MYO3A: variants seen among roughly 807,000 people sequenced by gnomAD.
The protein encoded by MYO3A is myosin-IIIa.
MYO3A carries 180 observed loss-of-function variants against 192.7 expected under a neutral mutation model. That is an observed-to-expected ratio of 0.93 (90% CI 0.83 to 1.06). MYO3A has a LOEUF of 1.06. Ranked by LOEUF, MYO3A falls within the 50% of genes least tolerant of loss-of-function variation. The pLI is 0.00. For missense variants in MYO3A, 1,896 were observed against 1,905.0 expected (o/e 1.00, Z 0.09); for synonymous variants, 628 against 645.3 (o/e 0.97, Z 0.41).
chr10:26,139,411 G>A (rs1403130885), intron 20 of MYO3A, among the ~76,000 whole-genome samples: 1 of 151,928 alleles, frequency 6.6e-6, no homozygotes, highest in African/African-American at 2.4e-5. Flanking sequence ...AGCTGATTTT[G>A]TATTTTTAGT....
At chr10:26,035,548 A>G (rs751485571) in intron 10 of MYO3A, among the ~76,000 whole-genome samples, 1 of 152,142 alleles carries the variant, frequency 6.6e-6, no homozygotes. Context: ...TTATCATACC[A>G]CTTTCCCCCC....
At chr10:26,208,015 AT>A (rs1462005176) in intron 34 of MYO3A, among the ~76,000 whole-genome samples, 2 of 151,674 alleles carry the variant, frequency 1.3e-5, no homozygotes, top group African/African-American at 2.4e-5. Context: ...ATTCCTAAGT[AT>A]TTTTTGTAGC....
At chr10:26,004,378 G>A (rs1408821639) in intron 6 of MYO3A, among the ~76,000 whole-genome samples, 1 of 151,474 alleles carries the variant, frequency 6.6e-6, no homozygotes, top group East Asian at 1.9e-4. Context: ...AGTGATGTTG[G>A]GTTGGAATTG....
chr10:26,052,147 G>A (rs566916992), intron 10 of MYO3A, among the ~76,000 whole-genome samples: 22 of 152,236 alleles, frequency 1.4e-4, no homozygotes, highest in African/African-American at 5.3e-4. Context: ...TAGAGATTTA[G>A]AATAAATTAA....
intron 10 of MYO3A, among the ~76,000 whole-genome samples, chr10:26,062,386 G>A (rs1834538671): frequency 6.6e-6 from 1 of 150,878 alleles, no homozygotes. Context: ...ATGCATGGTA[G>A]CGCGCCTGTA....
rs115673312 is a variant in MYO3A at position 25,935,482 on chromosome 10, A to G, written c.-104-262A>G. On this transcript the variant is annotated intron_variant, in intron 1 of 34. Transcript: ENST00000642920. ...TTTTCTTGGTGAATTAACTAATTGT[A>G]CAGGTGCACTTAAACCTTCTTAAGC... is the stretch of plus-strand genomic sequence containing the variant. 8.4e-3 allele frequency among the ~76,000 whole-genome samples: 1,283 copies of G among 152,330 alleles called. 15 individuals carry two copies. The highest frequency in any genetic ancestry group is 0.028 in the African/African-American group (1,162 of 41,574).
At chr10:26,013,348 A>G (rs2131023500) in intron 6 of MYO3A, among the ~76,000 whole-genome samples, 1 of 151,806 alleles carries the variant, frequency 6.6e-6, no homozygotes, top group African/African-American at 2.4e-5. Context: ...AAACCAAAGA[A>G]TGGGAGACAA....
chr10:25,967,826 A>T (rs1454019296), intron 4 of MYO3A, among the ~76,000 whole-genome samples: 1 of 152,258 alleles, frequency 6.6e-6, no homozygotes, highest in Non-Finnish European at 1.5e-5. Context: ...ATCAGGTTTA[A>T]CAGCACAATA....
At chr10:26,067,104 C>A in intron 11 of MYO3A, 30 bp downstream of exon 11, 1 of 1,423,616 alleles carries the variant, frequency 7.0e-7, no homozygotes, top group Non-Finnish European at 9.9e-7. Context: ...TAAACTTAGA[C>A]ATTCCAGATG....
chr10:26,078,722 T>C (rs765243575), intron 14 of MYO3A, among the ~76,000 whole-genome samples: 2 of 152,070 alleles, frequency 1.3e-5, no homozygotes, highest in Non-Finnish European at 2.9e-5. Flanking sequence ...TGTTGTTCAG[T>C]TCGAAGAATT....
At position 26,176,575 on chromosome 10, in the gene MYO3A, G is replaced by A. The variant is rs544750941; in HGVS notation, c.4294-126G>A. On this transcript the variant is annotated intron_variant, in intron 30 of 34. Transcript: ENST00000642920. Reference sequence around the variant, plus strand: ...ATCAGACCTTGGTGCAAGGGACAGGGTGGGCCCTGGAGAGGAACATGAGAG... The same window carrying A: ...ATCAGACCTTGGTGCAAGGGACAGGATGGGCCCTGGAGAGGAACATGAGAG... 6.9e-5 allele frequency: 56 copies of A among 810,960 alleles called. 1 individual carries two copies. The African/African-American group carries it at 8.8e-4, about 13-fold the overall frequency. The allele number at this position is 810,960 out of a possible 1,614,324, so 50.2% of individuals were successfully genotyped here. A position where few individuals can be genotyped will look rare whatever the true frequency, so the allele number is the denominator to read the frequency against.
chr10:26,016,780 G>A, intron 6 of MYO3A, 40 bp from the exon 7 acceptor site: 1 of 1,576,548 alleles, frequency 6.3e-7, no homozygotes, highest in Non-Finnish European at 8.7e-7. Context: ...CTTTATATGA[G>A]TAATTAATGC....
chr10:26,026,584 G>T, intron 10 of MYO3A, 52 bp downstream of exon 10: 2 of 1,601,818 alleles, frequency 1.2e-6, no homozygotes, highest in South Asian at 2.2e-5. Context: ...GAAAGATTTT[G>T]AACAGTTTAA....
chr10:26,163,396 G>A (rs1218608255), intron 26 of MYO3A, among the ~76,000 whole-genome samples: 13 of 152,148 alleles, frequency 8.5e-5, no homozygotes, highest in African/African-American at 2.2e-4. Flanking sequence ...AGCTGTGGAC[G>A]GTGGCTGGGG....
At chr10:26,125,905 T>C (rs1839191942) in intron 19 of MYO3A, among the ~76,000 whole-genome samples, 1 of 152,162 alleles carries the variant, frequency 6.6e-6, no homozygotes, top group African/African-American at 2.4e-5. Context: ...GTTTTTTTAA[T>C]TAGAAGTTGT....
intron 10 of MYO3A, among the ~76,000 whole-genome samples, chr10:26,027,865 CTG>C (rs1402328788): frequency 4.6e-5 from 7 of 152,128 alleles, no homozygotes; most frequent in African/African-American, 1.7e-4. Context: ...TCTCAAGTAA[CTG>C]TGTAATGAAC....
chr10:26,179,840 T>C (rs1281372911), intron 31 of MYO3A, among the ~76,000 whole-genome samples: 1 of 152,194 alleles, frequency 6.6e-6, no homozygotes, highest in East Asian at 1.9e-4. Context: ...AATTATTAAT[T>C]AATTAATTTT....
At chr10:26,028,907 T>C (rs1193250886) in intron 10 of MYO3A, among the ~76,000 whole-genome samples, 1 of 152,180 alleles carries the variant, frequency 6.6e-6, no homozygotes, top group Non-Finnish European at 1.5e-5. Context: ...ATCTTTTAAA[T>C]AGGGGCTGCT....
chr10:25,970,952 G>T (rs1348955924), intron 4 of MYO3A, among the ~76,000 whole-genome samples: 4 of 151,926 alleles, frequency 2.6e-5, no homozygotes, highest in Non-Finnish European at 5.9e-5. Context: ...AAAATACCAA[G>T]CCCAATGACT....
Sources: gnomAD v4.1 joint callset for allele counts (sites outside exome capture counted in the v4.1 genomes callset) on GRCh38, gnomAD v4.1.1 for gene constraint, MANE v1.5 for transcripts, NCBI Gene and HGNC (gene_info 2026-07-23, HGNC 2026-07-21) for gene names.